The following TENT5D variants were observed in gnomAD, a reference collection of about 807,000 sequenced individuals.
TENT5D encodes cancer/testis antigen 112.
For missense variants in TENT5D, 191 were observed against 287.0 expected (o/e 0.67, Z 2.42); for synonymous variants, 103 against 100.6 (o/e 1.02, Z -0.15).
chrX:80,341,079 T>C (rs375285327), intron 2 of TENT5D, among the ~76,000 whole-genome samples: 1 of 111,985 alleles, frequency 8.9e-6, no homozygotes, highest in African/African-American at 3.2e-5. Context: ...TTTGAAGTCA[T>C]TGTAAAAATT....
chrX:80,342,556 TAGC>T (rs1929980547), exon 3 of TENT5D: 1 of 112,433 alleles, frequency 8.9e-6, no homozygotes, highest in African/African-American at 3.2e-5. Context: ...GGAGTTTCAC[TAGC>T]TGGAGGTAAG....
intron 3 of TENT5D, among the ~76,000 whole-genome samples, chrX:80,400,485 C>A: frequency 8.9e-6 from 1 of 111,834 alleles, no homozygotes; most frequent in Non-Finnish European, 1.9e-5. Context: ...AACTTGGCAT[C>A]CACACATATC....
chrX:80,391,089 C>G (rs1429300818), intron 3 of TENT5D, among the ~76,000 whole-genome samples: 1 of 111,656 alleles, frequency 9.0e-6, no homozygotes, highest in African/African-American at 3.3e-5. Context: ...TTTATTCACT[C>G]ATTTATTCAT....
At chrX:80,423,414 C>T (rs1330342531) in intron 1 of TENT5D, among the ~76,000 whole-genome samples, 5 of 111,645 alleles carry the variant, frequency 4.5e-5, no homozygotes, top group African/African-American at 1.6e-4. Flanking sequence ...CTGCAGCAGA[C>T]AGTGGGGCCC....
At chrX:80,408,839 A>G (rs1434798119) in intron 3 of TENT5D, among the ~76,000 whole-genome samples, 1 of 110,563 alleles carries the variant, frequency 9.0e-6, no homozygotes, top group East Asian at 2.8e-4. Context: ...CATTGATGCA[A>G]AAATCCTCAA....
intron 3 of TENT5D, among the ~76,000 whole-genome samples, chrX:80,364,357 A>C (rs1385609056): frequency 8.9e-6 from 1 of 111,902 alleles, no homozygotes; most frequent in African/African-American, 3.2e-5. Flanking sequence ...GTCAAACCAG[A>C]AGGCAGAGAT....
chrX:80,368,331 A>G (rs758420879), intron 3 of TENT5D, among the ~76,000 whole-genome samples: 1 of 111,414 alleles, frequency 9.0e-6, no homozygotes, highest in Non-Finnish European at 1.9e-5. Flanking sequence ...AGTAATTCCT[A>G]TTCATTTAAG....
intron 2 of TENT5D, among the ~76,000 whole-genome samples, chrX:80,339,621 C>T (rs910386136): frequency 3.7e-5 from 4 of 109,345 alleles, no homozygotes; most frequent in African/African-American, 1.3e-4. Flanking sequence ...TAGTGGTGGT[C>T]ACAGGTGACC....
intron 2 of TENT5D, among the ~76,000 whole-genome samples, chrX:80,338,058 T>C (rs779739983): frequency 8.9e-6 from 1 of 112,413 alleles, no homozygotes; most frequent in South Asian, 3.7e-4. Context: ...ATAATTTTCC[T>C]CTTTCACTGT....
intron 1 of TENT5D, among the ~76,000 whole-genome samples, chrX:80,420,986 G>A (rs1931871476): frequency 1.8e-5 from 2 of 112,079 alleles, no homozygotes; most frequent in South Asian, 7.3e-4. Flanking sequence ...TGTTTCTGAA[G>A]TGAAGTATTA....
At chrX:80,344,397 A>G (rs1052711623) in intron 3 of TENT5D, among the ~76,000 whole-genome samples, 1 of 110,927 alleles carries the variant, frequency 9.0e-6, no homozygotes, top group African/African-American at 3.3e-5. Context: ...CAGTGGCTGA[A>G]CTAATTTACA....
At chrX:80,371,723 T>C (rs1261666664) in intron 3 of TENT5D, among the ~76,000 whole-genome samples, 1 of 112,008 alleles carries the variant, frequency 8.9e-6, no homozygotes, top group African/African-American at 3.2e-5. Context: ...CTTCATTGAA[T>C]TGAAAAGAGT....
chrX:80,359,374 A>G (rs1022671047), intron 3 of TENT5D, among the ~76,000 whole-genome samples: 1 of 112,168 alleles, frequency 8.9e-6, no homozygotes, highest in Non-Finnish European at 1.9e-5. Context: ...AGCACTGTTT[A>G]CAATAGTAAA....
upstream of TENT5D, among the ~76,000 whole-genome samples, chrX:80,419,944 G>C (rs766477489): frequency 2.7e-5 from 3 of 111,322 alleles, no homozygotes; most frequent in South Asian, 1.1e-3. Context: ...TGAACTCCTG[G>C]GCTCAAGTAA....
At chrX:80,349,369 T>A (rs902855620) in intron 3 of TENT5D, among the ~76,000 whole-genome samples, 2 of 112,035 alleles carry the variant, frequency 1.8e-5, no homozygotes, top group African/African-American at 3.2e-5. Context: ...ATTCGACTTC[T>A]TCCTGGTTTA....
intron 3 of TENT5D, among the ~76,000 whole-genome samples, chrX:80,354,913 G>T (rs1464800513): frequency 1.8e-5 from 2 of 112,088 alleles, no homozygotes; most frequent in African/African-American, 6.5e-5. Context: ...TTCAGGGTTT[G>T]ATTGTGACAT....
intron 3 of TENT5D, among the ~76,000 whole-genome samples, chrX:80,412,922 G>T (rs1309443924): frequency 9.2e-6 from 1 of 108,837 alleles, no homozygotes; most frequent in Non-Finnish European, 1.9e-5. Context: ...TAAATGTGGG[G>T]TTTTTGTTTT....
At chrX:80,359,965 A>G (rs920793671) in intron 3 of TENT5D, among the ~76,000 whole-genome samples, 2 of 111,816 alleles carry the variant, frequency 1.8e-5, no homozygotes, top group East Asian at 5.6e-4. Flanking sequence ...TCAAATAAGC[A>G]TATTAAGGAT....
At chrX:80,403,023 A>G (rs1421249567) in intron 3 of TENT5D, among the ~76,000 whole-genome samples, 1 of 111,750 alleles carries the variant, frequency 8.9e-6, no homozygotes, top group Admixed American at 9.5e-5. Context: ...GTCTCTCCCT[A>G]TGGTGTAAAA....
Sources: gnomAD v4.1 joint callset for allele counts (sites outside exome capture counted in the v4.1 genomes callset) on GRCh38, gnomAD v4.1.1 for gene constraint, MANE v1.5 for transcripts, NCBI Gene and HGNC (gene_info 2026-07-23, HGNC 2026-07-21) for gene names.